The following NAV3 variants were observed in gnomAD, a reference collection of about 807,000 sequenced individuals.
NAV3 encodes neuron navigator 3, also known as pore membrane and/or filament interacting like protein 1.
Under a neutral mutation model 244.7 loss-of-function variants are expected in NAV3, and 87 were observed. The ratio of observed to expected loss-of-function variants is 0.36; its 90% CI spans 0.30 to 0.42. The LOEUF (loss-of-function observed/expected upper bound fraction) is 0.42. Among genes scored for constraint, NAV3 ranks in the 20% least tolerant of loss-of-function variants. NAV3 has a pLI of 1.00. For synonymous variants in NAV3, 1,126 were observed against 1,042.2 expected, an observed-to-expected ratio of 1.08 and a Z score of -1.55; for missense variants, 2,663 against 2,893.3, an observed-to-expected ratio of 0.92 and a Z score of 1.83.
chr12:77,602,060 A>C (rs892549221), intron 2 of NAV3, among the ~76,000 whole-genome samples: 1 of 152,038 alleles, frequency 6.6e-6, no homozygotes, highest in Non-Finnish European at 1.5e-5. Flanking sequence ...CAGGTTTAGC[A>C]AACTATGGAT....
intron 3 of NAV3, chr12:77,947,552 G>GTCCTAACTTATTGGT (rs1403626723): frequency 7.2e-5 from 11 of 151,888 alleles, no homozygotes; most frequent in Admixed American, 2.6e-4. Flanking sequence ...ACTCAGAGGA[G>GTCCTAACTTATTGGT]TGGAATATTG....
chr12:78,158,737 G>A (rs947375601), intron 22 of NAV3, among the ~76,000 whole-genome samples: 1 of 152,178 alleles, frequency 6.6e-6, no homozygotes, highest in African/African-American at 2.4e-5. Context: ...GACACTTGAT[G>A]GAGCGTATCA....
At chr12:77,945,441 C>A (rs1890247741) in intron 3 of NAV3, among the ~76,000 whole-genome samples, 1 of 152,100 alleles carries the variant, frequency 6.6e-6, no homozygotes, top group South Asian at 2.1e-4. Flanking sequence ...CTCTACATAG[C>A]AGCTACCACT....
chr12:78,130,043 A>G (rs1334462564), intron 18 of NAV3, among the ~76,000 whole-genome samples: 1 of 152,198 alleles, frequency 6.6e-6, no homozygotes, highest in Non-Finnish European at 1.5e-5. Context: ...CAAACACCAT[A>G]TACATTTGTA....
chr12:77,859,250 A>T (rs1360684507), intron 1 of NAV3, among the ~76,000 whole-genome samples: 1 of 152,054 alleles, frequency 6.6e-6, no homozygotes, highest in African/African-American at 2.4e-5. Context: ...TATCATATTC[A>T]TAAACTTTCC....
chr12:77,746,525 T>C (rs1209783660), intron 2 of NAV3, among the ~76,000 whole-genome samples: 1 of 152,132 alleles, frequency 6.6e-6, no homozygotes, highest in African/African-American at 2.4e-5. Context: ...ACATAACTAA[T>C]ACTGTGTTGG....
chr12:77,998,022 T>A (rs1045623244), intron 6 of NAV3, among the ~76,000 whole-genome samples: 4 of 152,242 alleles, frequency 2.6e-5, no homozygotes, highest in Non-Finnish European at 5.9e-5. Context: ...ACTTTTCACA[T>A]AATTGTTACA....
intron 23 of NAV3, among the ~76,000 whole-genome samples, chr12:78,168,267 A>C (rs1055222894): frequency 1.3e-5 from 2 of 151,788 alleles, no homozygotes; most frequent in African/African-American, 4.8e-5. Context: ...TTTACACTTA[A>C]ATACAAATAA....
chr12:78,127,109 G>T, intron 16 of NAV3, 58 bp from the exon 17 acceptor site: 1 of 1,549,342 alleles, frequency 6.5e-7, no homozygotes, highest in South Asian at 1.1e-5. Flanking sequence ...TTTGTTGGAT[G>T]TGTAATTTGG....
chr12:78,193,816 A>G (rs938696125), intron 34 of NAV3, among the ~76,000 whole-genome samples: 4 of 152,126 alleles, frequency 2.6e-5, no homozygotes, highest in Admixed American at 2.0e-4. Flanking sequence ...AAGCCACATT[A>G]TAATTAGAAC....
chr12:78,109,964 G>T (rs1955005436), intron 12 of NAV3, among the ~76,000 whole-genome samples: 1 of 151,852 alleles, frequency 6.6e-6, no homozygotes, highest in Non-Finnish European at 1.5e-5. Context: ...ACAAGCAAAA[G>T]AAATAAAAAG....
At chr12:77,736,199 C>T (rs1877326848) in intron 2 of NAV3, among the ~76,000 whole-genome samples, 1 of 152,174 alleles carries the variant, frequency 6.6e-6, no homozygotes, top group African/African-American at 2.4e-5. Flanking sequence ...ATCAAATACT[C>T]AGTCAAGTTC....
intron 2 of NAV3, among the ~76,000 whole-genome samples, chr12:77,662,247 A>G (rs138124437): frequency 0.025 from 3,757 of 151,598 alleles, 60 homozygotes; most frequent in Middle Eastern, 0.083. Context: ...CTATCTATCT[A>G]TCTATCTATC....
chr12:77,780,148 C>T (rs568559851), intron 2 of NAV3, among the ~76,000 whole-genome samples: 6 of 152,138 alleles, frequency 3.9e-5, no homozygotes, highest in African/African-American at 7.2e-5. Flanking sequence ...GCGAGGCGCA[C>T]GGGTGAGCAG....
At chr12:77,659,467 C>G (rs1873318049) in intron 2 of NAV3, among the ~76,000 whole-genome samples, 1 of 152,168 alleles carries the variant, frequency 6.6e-6, no homozygotes, top group Admixed American at 6.6e-5. Context: ...ACAACAGGTG[C>G]TGGAGAGGAT....
intron 1 of NAV3, among the ~76,000 whole-genome samples, chr12:77,866,181 A>C (rs1879990044): frequency 3.3e-5 from 5 of 152,244 alleles, no homozygotes. Flanking sequence ...CTATTTTTAA[A>C]TGATTATTCA....
intron 2 of NAV3, among the ~76,000 whole-genome samples, chr12:77,593,051 G>A (rs2136727400): frequency 6.6e-6 from 1 of 152,208 alleles, no homozygotes; most frequent in African/African-American, 2.4e-5. Flanking sequence ...TTGGTGCTGT[G>A]CCACGCAAAC....
chr12:77,611,823 C>T (rs1453252915), intron 2 of NAV3, among the ~76,000 whole-genome samples: 1 of 151,982 alleles, frequency 6.6e-6, no homozygotes, highest in Admixed American at 6.6e-5. Flanking sequence ...ATTAACAGTG[C>T]TCTGCCCATT....
chr12:77,672,524 A>T (rs1381762600), intron 2 of NAV3, among the ~76,000 whole-genome samples: 1 of 152,082 alleles, frequency 6.6e-6, no homozygotes, highest in African/African-American at 2.4e-5. Flanking sequence ...ACGAGTGGAT[A>T]AAGAAAAGGT....
Sources: allele counts gnomAD v4.1 joint callset (sites outside exome capture counted in the v4.1 genomes callset), GRCh38; gene constraint gnomAD v4.1.1; transcripts MANE v1.5; gene names NCBI Gene and HGNC (gene_info 2026-07-23, HGNC 2026-07-21).